UBQLN1: variants seen among roughly 807,000 people sequenced by gnomAD.
UBQLN1 encodes the protein ubiquilin-1.
Under a neutral mutation model 65.4 loss-of-function variants are expected in UBQLN1, and 13 were observed. The observed-to-expected ratio is 0.20, with a 90% confidence interval of 0.13 to 0.32. The LOEUF is 0.32. Among genes scored for constraint, UBQLN1 ranks in the 10% least tolerant of loss-of-function variants. UBQLN1 has a pLI of 1.00. For missense variants in UBQLN1, 561 were observed against 724.0 expected (o/e 0.77, Z 2.58); for synonymous variants, 267 against 247.8 (o/e 1.08, Z -0.73).
intron 2 of UBQLN1, among the ~76,000 whole-genome samples, 191 bp downstream of exon 2, chr9:83,685,813 T>C (rs1832031415): frequency 6.6e-6 from 1 of 152,200 alleles, no homozygotes; most frequent in Non-Finnish European, 1.5e-5. Flanking sequence ...TATGAAATGG[T>C]TATCTGACAA....
intron 1 of UBQLN1, among the ~76,000 whole-genome samples, chr9:83,699,567 G>C (rs1388509472): frequency 6.6e-6 from 1 of 152,182 alleles, no homozygotes; most frequent in East Asian, 1.9e-4. Context: ...TGATCACTGA[G>C]CCATGGTGCT....
chr9:83,705,677 G>A (rs1832390941), intron 1 of UBQLN1, among the ~76,000 whole-genome samples: 1 of 152,182 alleles, frequency 6.6e-6, no homozygotes, highest in African/African-American at 2.4e-5. Context: ...GTATAAGACT[G>A]TTCATAGTAA....
At chr9:83,704,700 G>A (rs1005396383) in intron 1 of UBQLN1, among the ~76,000 whole-genome samples, 11 of 151,684 alleles carry the variant, frequency 7.3e-5, no homozygotes, top group African/African-American at 2.7e-4. Flanking sequence ...TGTGGCATGC[G>A]CCTGTAGTCT....
At position 83,673,580 on chromosome 9, in the gene UBQLN1, A is replaced by AAAC. The variant is rs1554727531; in HGVS notation, c.1105+4146_1105+4147insGTT. Among the ~76,000 whole-genome samples the AAAC allele has an allele frequency of 6.6e-4, 72 of 109,586 alleles. 2 individuals are homozygous for AAAC. Among genetic ancestry groups the AAAC allele is most frequent in the African/African-American group, 2.4e-3 (58 of 24,622 alleles). 71.9% of individuals were successfully genotyped at this position (109,586 alleles called of 152,430 possible). A position where few individuals can be genotyped will look rare whatever the true frequency, so the allele number is the denominator to read the frequency against. On this transcript the variant is annotated intron_variant, in intron 6 of 10. Transcript: ENST00000376395. ...AAAAAAAAAAAAACAAAAAAAAAAA[A>AAAC]CTGCGCTTACGTTTTTATTTTTAAA...
At chr9:83,671,606 A>G (rs1831732299) in intron 6 of UBQLN1, among the ~76,000 whole-genome samples, 1 of 152,136 alleles carries the variant, frequency 6.6e-6, no homozygotes, top group Non-Finnish European at 1.5e-5. Context: ...ACGTCTCACC[A>G]GTAGACTTAA....
intron 1 of UBQLN1, among the ~76,000 whole-genome samples, chr9:83,694,189 C>T (rs571609620): frequency 6.6e-6 from 1 of 152,312 alleles, no homozygotes; most frequent in South Asian, 2.1e-4. Flanking sequence ...AAATTTACTT[C>T]AGCTCTGAAG....
chr9:83,694,955 T>G (rs1407150307), intron 1 of UBQLN1, among the ~76,000 whole-genome samples: 1 of 152,088 alleles, frequency 6.6e-6, no homozygotes, highest in Admixed American at 6.6e-5. Context: ...AAAATATTAA[T>G]AAGCAAACCA....
At chr9:83,666,240 CTCTAT>C (rs1304885958) in intron 8 of UBQLN1, 105 bp downstream of exon 8, 1 of 986,040 alleles carries the variant, frequency 1.0e-6, no homozygotes, top group South Asian at 1.4e-5. Flanking sequence ...CATTATTGGT[CTCTAT>C]TCTATGTTTT....
At chr9:83,668,438 C>T (rs1255536025) in intron 7 of UBQLN1, 9 of 985,136 alleles carry the variant, frequency 9.1e-6, no homozygotes, top group African/African-American at 5.2e-5. Context: ...TCACATTCTC[C>T]GTGGTTTTTC....
intron 6 of UBQLN1, among the ~76,000 whole-genome samples, chr9:83,675,816 C>A (rs10746717): frequency 0.27 from 40,520 of 152,058 alleles, 6,597 homozygotes; most frequent in East Asian, 0.8. Context: ...ATGAACTTTG[C>A]AATTCTGGTA....
rs1237372258 is a variant in UBQLN1, at chr9:83,661,211, T to C, written c.*576A>G. 1 of 152,768 alleles carries C rather than the reference T, an allele frequency of 6.5e-6. No individual in the cohort carries two copies. The highest frequency in any genetic ancestry group is 1.5e-5 in the Non-Finnish European group (1 of 68,042). 9.5% of individuals were successfully genotyped at this position (152,768 alleles called of 1,614,324 possible). On this transcript the variant is annotated 3_prime_UTR_variant, in exon 11 of 11. Transcript: ENST00000376395. ...TAGGAAATACTCAGCTTTAAGAGTA[T>C]TTTCTTATCTTCACTTTTTTAGTTA...
chr9:83,672,780 G>C (rs1831755115), intron 6 of UBQLN1, among the ~76,000 whole-genome samples: 1 of 152,220 alleles, frequency 6.6e-6, no homozygotes, highest in Non-Finnish European at 1.5e-5. Flanking sequence ...GCTCAATGCA[G>C]GGTCACTGCA....
At position 83,707,825 on chromosome 9, in the gene UBQLN1, C is replaced by T; in HGVS notation, c.-146G>A. 1.6e-6 allele frequency: 2 copies of T among 1,268,562 alleles called. No individual in the cohort carries two copies. The highest frequency in any genetic ancestry group is 1.0e-6 in the Non-Finnish European group (1 of 967,694). The allele number at this position is 1,268,562 out of a possible 1,614,324, so 78.6% of individuals were successfully genotyped here. On this transcript the variant is annotated 5_prime_UTR_variant, in exon 1 of 11. Transcript: ENST00000376395. ...TCAGTAGCAACGGGCGCAGGGCCAC[C>T]GTAGCGGGTGTGGGGCCCCGGAGCT...
intron 1 of UBQLN1, among the ~76,000 whole-genome samples, chr9:83,693,830 C>A (rs1188099625): frequency 6.6e-6 from 1 of 152,144 alleles, no homozygotes; most frequent in Non-Finnish European, 1.5e-5. Context: ...GGTTTTGCTA[C>A]ATACTAGTTG....
chr9:83,682,096 A>G (rs1187971026), intron 3 of UBQLN1, among the ~76,000 whole-genome samples: 1 of 152,130 alleles, frequency 6.6e-6, no homozygotes, highest in Non-Finnish European at 1.5e-5. Flanking sequence ...CATCCTGGCT[A>G]ATATGGTGAA....
intron 1 of UBQLN1, among the ~76,000 whole-genome samples, chr9:83,686,965 G>A (rs575686337): frequency 1.1e-3 from 164 of 151,176 alleles, no homozygotes; most frequent in Non-Finnish European, 1.9e-3. Flanking sequence ...CTGGTCCCAA[G>A]TCTGTCTGTT....
At chr9:83,668,873 G>C (rs1221102713) in intron 7 of UBQLN1, 1 of 243,936 alleles carries the variant, frequency 4.1e-6, no homozygotes, top group African/African-American at 2.3e-5. Context: ...ATTTCATTAA[G>C]TAGTTTATCT....
intron 3 of UBQLN1, among the ~76,000 whole-genome samples, chr9:83,680,558 A>G (rs1330560709): frequency 6.6e-6 from 1 of 152,082 alleles, no homozygotes; most frequent in Non-Finnish European, 1.5e-5. Flanking sequence ...AAATTAAGAA[A>G]ACTCAAAATG....
intron 1 of UBQLN1, among the ~76,000 whole-genome samples, chr9:83,695,933 C>A (rs903530343): frequency 4.6e-5 from 7 of 152,148 alleles, no homozygotes; most frequent in African/African-American, 1.7e-4. Flanking sequence ...AGTTTCACTT[C>A]ACTTTTCAAA....
Sources: allele counts gnomAD v4.1 joint callset (sites outside exome capture counted in the v4.1 genomes callset), GRCh38; gene constraint gnomAD v4.1.1; transcripts MANE v1.5; gene names NCBI Gene and HGNC (gene_info 2026-07-23, HGNC 2026-07-21).